Variants in MID1 observed in about 807,000 individuals in gnomAD.
MID1 encodes the protein E3 ubiquitin-protein ligase Midline-1.
MID1 carries 7 observed loss-of-function variants against 40.4 expected under a neutral mutation model. The observed-to-expected ratio is 0.17, with a 90% confidence interval of 0.10 to 0.33. The LOEUF (loss-of-function observed/expected upper bound fraction) is 0.33, where lower values mean the gene tolerates loss of function less well. MID1 is among the 10% of genes least tolerant of loss of function. The pLI is 1.00. For synonymous variants in MID1, 229 were observed against 221.2 expected, an observed-to-expected ratio of 1.04 and a Z score of -0.31; for missense variants, 367 against 558.5, an observed-to-expected ratio of 0.66 and a Z score of 3.46.
chrX:10,492,294 A>C (rs954225334), intron 4 of MID1, among the ~76,000 whole-genome samples: 2 of 111,880 alleles, frequency 1.8e-5, no homozygotes, highest in Non-Finnish European at 3.8e-5. Context: ...ATTTCTTTAT[A>C]TACTTTGAAA....
chrX:10,795,131 C>T (rs2043959414), intron 1 of MID1, among the ~76,000 whole-genome samples: 2 of 111,465 alleles, frequency 1.8e-5, no homozygotes, highest in East Asian at 2.8e-4. Flanking sequence ...CCAGGAGCAT[C>T]GCACCTTCTC....
At chrX:10,532,261 C>T (rs1298437173) in intron 2 of MID1, among the ~76,000 whole-genome samples, 2 of 112,195 alleles carry the variant, frequency 1.8e-5, no homozygotes, top group African/African-American at 6.5e-5. Flanking sequence ...GATGCCAAGG[C>T]GGGAGGATTG....
chrX:10,492,594 G>A (rs1463028389), intron 4 of MID1, among the ~76,000 whole-genome samples: 1 of 112,034 alleles, frequency 8.9e-6, no homozygotes, highest in Non-Finnish European at 1.9e-5. Flanking sequence ...ATAGCCCATG[G>A]CATTAAATAA....
intron 9 of MID1, among the ~76,000 whole-genome samples, chrX:10,452,380 T>C (rs550467861): frequency 8.9e-6 from 1 of 112,444 alleles, no homozygotes; most frequent in South Asian, 3.7e-4. Flanking sequence ...ACCATTATAG[T>C]ATCATTAATC....
rs188854481 is a variant in MID1 at position 10,496,397 on chromosome X, G to C, written c.757-706C>G. 4.5e-5 allele frequency among the ~76,000 whole-genome samples: 5 copies of C among 112,203 alleles called. No individual in the cohort carries two copies. The East Asian group carries it at 1.4e-3, about 31-fold the overall frequency. ...GAAGTTTTTGTGACTTGCATTCAAG[G>C]GAGGCTTACAATTAGCTCATTCTTG... On this transcript the variant is annotated intron_variant, in intron 3 of 9. Transcript: ENST00000317552.
At chrX:10,631,722 G>A (rs1436719643) in intron 1 of MID1, among the ~76,000 whole-genome samples, 1 of 111,764 alleles carries the variant, frequency 8.9e-6, no homozygotes, top group Non-Finnish European at 1.9e-5. Flanking sequence ...TCCTTGATAT[G>A]ATGAAGTCTT....
At chrX:10,651,207 G>C (rs980432779) in intron 1 of MID1, among the ~76,000 whole-genome samples, 6 of 111,765 alleles carry the variant, frequency 5.4e-5, no homozygotes, top group African/African-American at 1.6e-4. Context: ...AGAATATGTG[G>C]AAGAGCTCAG....
At chrX:10,689,782 C>T (rs747964875) in intron 1 of MID1, among the ~76,000 whole-genome samples, 21 of 109,883 alleles carry the variant, frequency 1.9e-4, no homozygotes, top group Non-Finnish European at 3.8e-4. Flanking sequence ...TTTCCTTCTC[C>T]TTACACATTT....
At chrX:10,688,529 C>T (rs779582090) in intron 1 of MID1, among the ~76,000 whole-genome samples, 1 of 112,030 alleles carries the variant, frequency 8.9e-6, no homozygotes, top group East Asian at 2.8e-4. Context: ...CTAGACCATC[C>T]TTCCATATTT....
intron 1 of MID1, among the ~76,000 whole-genome samples, chrX:10,630,074 T>C (rs1443859311): frequency 8.9e-6 from 1 of 112,171 alleles, no homozygotes; most frequent in African/African-American, 3.2e-5. Context: ...TGAACATGCC[T>C]GATCATGTCA....
At chrX:10,478,586 C>T (rs780957001) in intron 5 of MID1, among the ~76,000 whole-genome samples, 20 of 111,800 alleles carry the variant, frequency 1.8e-4, no homozygotes, top group East Asian at 1.7e-3. Flanking sequence ...CAAAATTAGC[C>T]AATGTTAATG....
At position 10,605,234 on chromosome X, in the gene MID1, T is replaced by A. The variant is rs748451182; in HGVS notation, c.-57+15056A>T. On this transcript the variant is annotated intron_variant, in intron 1 of 9. Transcript: ENST00000317552. The stretch of plus-strand genomic sequence containing the variant: ...ATTTTGGAAATTAGAGATATGTTAT[T>A]TGGGGTTCTGGCAACTCTTTGCTAT... Among the ~76,000 whole-genome samples the A allele has an allele frequency of 1.1e-4, 12 of 112,082 alleles. 1 individual carries two copies. Among genetic ancestry groups the A allele is most frequent in the African/African-American group, 3.6e-4 (11 of 30,935 alleles).
At chrX:10,589,152 C>T (rs1935212986) in intron 1 of MID1, among the ~76,000 whole-genome samples, 1 of 111,730 alleles carries the variant, frequency 9.0e-6, no homozygotes, top group South Asian at 3.7e-4. Context: ...TTAGAGTATC[C>T]AGAAATCTAA....
At chrX:10,685,874 T>TCACACACACACA (rs1394966596) in intron 1 of MID1, among the ~76,000 whole-genome samples, 1 of 30,038 alleles carries the variant, frequency 3.3e-5, no homozygotes, top group African/African-American at 1.6e-4. Context: ...CCCCACATAC[T>TCACACACACACA]CATACACACA....
intron 2 of MID1, among the ~76,000 whole-genome samples, chrX:10,542,870 G>A (rs1306007762): frequency 8.9e-6 from 1 of 112,006 alleles, no homozygotes; most frequent in Non-Finnish European, 1.9e-5. Context: ...ATGAAAAAAA[G>A]AATTTCTAAT....
intron 4 of MID1, among the ~76,000 whole-genome samples, chrX:10,485,724 T>C (rs901584148): frequency 8.9e-6 from 1 of 112,192 alleles, no homozygotes; most frequent in Non-Finnish European, 1.9e-5. Flanking sequence ...TCTTTTTATA[T>C]GTATGTAGGA....
chrX:10,663,091 C>T (rs2042926837), intron 1 of MID1, among the ~76,000 whole-genome samples: 1 of 111,253 alleles, frequency 9.0e-6, no homozygotes, highest in Non-Finnish European at 1.9e-5. Context: ...TGTATCATAA[C>T]CCCTTTCTCT....
intron 1 of MID1, among the ~76,000 whole-genome samples, chrX:10,825,152 C>G (rs145551557): frequency 8.9e-6 from 1 of 111,984 alleles, no homozygotes; most frequent in East Asian, 2.8e-4. Flanking sequence ...AAGAGACTTA[C>G]ATAATGTGTG....
intron 1 of MID1, among the ~76,000 whole-genome samples, chrX:10,729,133 T>C (rs1320438656): frequency 8.9e-6 from 1 of 111,948 alleles, no homozygotes; most frequent in East Asian, 2.8e-4. Context: ...CTGTCATCCG[T>C]GCTCACTCAC....
Sources: allele counts gnomAD v4.1 joint callset (sites outside exome capture counted in the v4.1 genomes callset), GRCh38; gene constraint gnomAD v4.1.1; transcripts MANE v1.5; gene names NCBI Gene and HGNC (gene_info 2026-07-23, HGNC 2026-07-21).